Variants in RBFOX2 observed in about 807,000 individuals in gnomAD.
RBFOX2 encodes RNA binding protein fox-1 homolog 2.
A neutral mutation model predicts 49.1 loss-of-function variants in RBFOX2; 10 were observed. That is an observed-to-expected ratio of 0.20 (90% CI 0.13 to 0.35). The LOEUF is 0.35. RBFOX2 is among the 10% of genes least tolerant of loss of function. The probability of loss-of-function intolerance (pLI) is 1.00; values close to 1 mark genes in which losing one functional copy is unlikely to be tolerated. For synonymous variants in RBFOX2, 183 were observed against 187.4 expected, an observed-to-expected ratio of 0.98 and a Z score of 0.19; for missense variants, 323 against 486.9, an observed-to-expected ratio of 0.66 and a Z score of 3.17.
chr22:35,977,054 A>T (rs2057205260), intron 1 of RBFOX2, among the ~76,000 whole-genome samples: 1 of 152,184 alleles, frequency 6.6e-6, no homozygotes. Flanking sequence ...CATCAAAGAG[A>T]TATGACTGAC....
chr22:35,900,704 A>C (rs2048464849), intron 1 of RBFOX2, among the ~76,000 whole-genome samples: 1 of 152,164 alleles, frequency 6.6e-6, no homozygotes, highest in Non-Finnish European at 1.5e-5. Context: ...CTGCTACTCA[A>C]ATGTGACACA....
intron 1 of RBFOX2, among the ~76,000 whole-genome samples, chr22:35,928,531 CAG>C (rs1380945496): frequency 6.6e-6 from 1 of 152,190 alleles, no homozygotes; most frequent in Non-Finnish European, 1.5e-5. Flanking sequence ...CAGGCCTCAG[CAG>C]AGAGGCAAAT....
intron 3 of RBFOX2, among the ~76,000 whole-genome samples, chr22:35,780,799 T>G (rs565764752): frequency 1.3e-5 from 2 of 152,316 alleles, no homozygotes; most frequent in East Asian, 3.9e-4. Context: ...GCGAATAGAA[T>G]TTGAACCCAG....
intron 1 of RBFOX2, among the ~76,000 whole-genome samples, chr22:35,907,652 C>G (rs1045051842): frequency 6.6e-6 from 1 of 151,810 alleles, no homozygotes; most frequent in Non-Finnish European, 1.5e-5. Flanking sequence ...AATCAAAACT[C>G]GATTTTTTTT....
chr22:35,977,722 C>CTATAGATATATATATATATA, intron 1 of RBFOX2, among the ~76,000 whole-genome samples: 1 of 80,876 alleles, frequency 1.2e-5, no homozygotes, highest in African/African-American at 4.7e-5. Flanking sequence ...CCTGAATGAA[C>CTATAGATATATATATATATA]TATATATATA....
chr22:35,941,679 A>G (rs867561926), upstream of RBFOX2, among the ~76,000 whole-genome samples: 8 of 152,206 alleles, frequency 5.3e-5, no homozygotes, highest in South Asian at 2.1e-4. Context: ...CTCCCAGAGG[A>G]CATCCCACAT....
chr22:35,923,866 TAGGGAAGCAAG>T, intron 1 of RBFOX2, among the ~76,000 whole-genome samples: 1 of 150,608 alleles, frequency 6.6e-6, no homozygotes, highest in Non-Finnish European at 1.5e-5. Context: ...CCTTAGTAAA[TAGGGAAGCAAG>T]TGGGAAGCAA....
At chr22:35,909,680 C>T (rs548719230) in intron 1 of RBFOX2, among the ~76,000 whole-genome samples, 317 of 152,320 alleles carry the variant, frequency 2.1e-3, no homozygotes, top group Non-Finnish European at 3.9e-3. Flanking sequence ...GGCACAATCT[C>T]GGCTCACTGC....
At chr22:35,973,576 G>C (rs974045705) in intron 1 of RBFOX2, among the ~76,000 whole-genome samples, 2 of 152,218 alleles carry the variant, frequency 1.3e-5, no homozygotes, top group Admixed American at 6.5e-5. Context: ...AGAACTGTCT[G>C]TTGTCAGCCC....
intron 1 of RBFOX2, among the ~76,000 whole-genome samples, chr22:35,926,077 T>C (rs1028442184): frequency 1.1e-4 from 17 of 152,252 alleles, no homozygotes; most frequent in Admixed American, 1.1e-3. Context: ...CGTAACTATA[T>C]TGTCCACCAA....
chr22:35,740,485 C>CA (rs1306762881), exon 12 of RBFOX2: 1 of 152,486 alleles, frequency 6.6e-6, no homozygotes, highest in African/African-American at 2.4e-5. Flanking sequence ...TAAAACAGTG[C>CA]AAACAGGTAA....
intron 1 of RBFOX2, among the ~76,000 whole-genome samples, chr22:35,951,349 G>A (rs182576687): frequency 2.8e-5 from 4 of 140,646 alleles, no homozygotes; most frequent in African/African-American, 5.4e-5. Context: ...GGGTTCAAGC[G>A]ATTCTCCTGC....
At chr22:35,974,467 T>C (rs1414451244) in intron 1 of RBFOX2, among the ~76,000 whole-genome samples, 2 of 152,134 alleles carry the variant, frequency 1.3e-5, no homozygotes, top group African/African-American at 4.8e-5. Context: ...GGCGGGCAGA[T>C]CACGAGGTCA....
chr22:35,942,457 C>T (rs145859498), upstream of RBFOX2, among the ~76,000 whole-genome samples: 30 of 151,978 alleles, frequency 2.0e-4, no homozygotes, highest in African/African-American at 7.2e-4. Context: ...GTGTTGTTTG[C>T]CTTAGTGAAA....
intron 1 of RBFOX2, among the ~76,000 whole-genome samples, chr22:35,900,498 T>C (rs895192658): frequency 6.6e-6 from 1 of 151,642 alleles, no homozygotes; most frequent in African/African-American, 2.4e-5. Flanking sequence ...TTTATATTCC[T>C]ATCACTTCCT....
At chr22:35,939,166 G>C (rs2053436731), upstream of RBFOX2, 1 of 629,070 alleles carries the variant, frequency 1.6e-6, no homozygotes, top group Middle Eastern at 2.5e-4. Flanking sequence ...GTATATCTTA[G>C]GCAGGGTGCT....
At chr22:35,809,268 T>C (rs1951355752) in intron 2 of RBFOX2, among the ~76,000 whole-genome samples, 1 of 152,036 alleles carries the variant, frequency 6.6e-6, no homozygotes. Flanking sequence ...GGTCACACAG[T>C]TTAGTAGGGG....
intron 3 of RBFOX2, among the ~76,000 whole-genome samples, chr22:35,778,735 C>G (rs1944481464): frequency 6.6e-6 from 1 of 152,072 alleles, no homozygotes; most frequent in African/African-American, 2.4e-5. Flanking sequence ...CTCCTGGATT[C>G]AAGCTATTCT....
rs1413309760 is a variant in RBFOX2 at position 35,783,564 on chromosome 22, G to A, written c.253-1818C>T. ...AGTTTGGGGGGGCACAGCGTGGAGG[G>A]GGTGACCACTAGAATGGTCATTGAA... On this transcript the variant is annotated intron_variant, in intron 2 of 11. Coordinates refer to ENST00000405409, the Ensembl canonical transcript of RBFOX2. Among the ~76,000 whole-genome samples, 3 of 152,026 alleles carry A rather than the reference G, an allele frequency of 2.0e-5. No individual in the cohort carries two copies. In the East Asian group the frequency reaches 5.8e-4, roughly 29 times the overall value.
Sources: allele counts gnomAD v4.1 joint callset (sites outside exome capture counted in the v4.1 genomes callset), GRCh38; gene constraint gnomAD v4.1.1; transcripts MANE v1.5; gene names NCBI Gene and HGNC (gene_info 2026-07-23, HGNC 2026-07-21).